LRRC72: variants seen among roughly 807,000 people sequenced by gnomAD.
LRRC72 encodes the protein leucine rich repeat containing 72, also known as leucine-rich repeat-containing protein 72.
Under a neutral mutation model 35.8 loss-of-function variants are expected in LRRC72, and 41 were observed. The ratio of observed to expected loss-of-function variants is 1.15; its 90% CI spans 0.89 to 1.49. LRRC72 has a LOEUF of 1.49. LRRC72 is among the 40% of genes most tolerant of loss of function. LRRC72 has a pLI of 0.00. For missense variants in LRRC72, 389 were observed against 330.7 expected (o/e 1.18, Z -1.37); for synonymous variants, 118 against 119.2 (o/e 0.99, Z 0.07).
At chr7:16,531,059 T>G (rs1326783997) in intron 1 of LRRC72, among the ~76,000 whole-genome samples, 1 of 151,756 alleles carries the variant, frequency 6.6e-6, no homozygotes, top group African/African-American at 2.4e-5. Context: ...TGTGGCAGCG[T>G]GCACCTGTAG....
intron 5 of LRRC72, among the ~76,000 whole-genome samples, chr7:16,561,096 CTATT>C (rs904941207): frequency 1.5e-4 from 23 of 151,994 alleles, no homozygotes; most frequent in African/African-American, 2.7e-4. Context: ...TATTTATAAT[CTATT>C]CATTCATTCA....
chr7:16,532,749 A>G (rs1159621134), intron 2 of LRRC72, 181 bp downstream of exon 2: 3 of 561,830 alleles, frequency 5.3e-6, no homozygotes, highest in Non-Finnish European at 9.3e-6. Context: ...ACTGAAATTG[A>G]TTAAAAAAAA....
At chr7:16,572,346 A>T (rs1782961809) in intron 7 of LRRC72, among the ~76,000 whole-genome samples, 1 of 152,158 alleles carries the variant, frequency 6.6e-6, no homozygotes, top group Non-Finnish European at 1.5e-5. Context: ...TGGCAGAGAC[A>T]CAACAACAAA....
intron 5 of LRRC72, among the ~76,000 whole-genome samples, chr7:16,562,628 G>T (rs1408966925): frequency 1.3e-5 from 2 of 152,180 alleles, no homozygotes; most frequent in African/African-American, 4.8e-5. Flanking sequence ...TCCTGCCGTT[G>T]TCTTCAGCAG....
At chr7:16,527,133 G>A in intron 1 of LRRC72, 91 bp downstream of exon 1, 1 of 969,610 alleles carries the variant, frequency 1.0e-6, no homozygotes, top group Non-Finnish European at 1.5e-6. Flanking sequence ...GGCAGGTACT[G>A]AATTTGGAGG....
intron 7 of LRRC72, among the ~76,000 whole-genome samples, chr7:16,572,027 A>C (rs1782955064): frequency 1.3e-5 from 2 of 152,156 alleles, no homozygotes; most frequent in Non-Finnish European, 2.9e-5. Flanking sequence ...CATCTGCCAA[A>C]ACAGAAGCTT....
intron 7 of LRRC72, 88 bp downstream of exon 7, chr7:16,567,631 T>C: frequency 9.6e-7 from 1 of 1,041,352 alleles, no homozygotes; most frequent in Non-Finnish European, 1.3e-6. Flanking sequence ...TAATAACAAC[T>C]ACAATTTACA....
chr7:16,579,122 T>C (rs1012844431), intron 7 of LRRC72, among the ~76,000 whole-genome samples: 2 of 152,196 alleles, frequency 1.3e-5, no homozygotes, highest in Non-Finnish European at 1.5e-5. Context: ...TCACCACGTA[T>C]ACACAAAAAA....
rs771693124 is a variant in LRRC72 at position 16,557,342 on chromosome 7, TCTAA to T, written c.235-15_235-12del. The T allele has an allele frequency of 6.7e-6, 7 of 1,050,450 alleles. No homozygotes were observed. In the East Asian group the frequency reaches 1.3e-4, roughly 19 times the overall value. 65.1% of individuals were successfully genotyped at this position (1,050,450 alleles called of 1,614,324 possible). ...AGTTATTATAGAAAGTATATTGTTC[TCTAA>T]CTCTCATTTTTAGCTCCATGGAATA... On this transcript the variant is annotated splice_polypyrimidine_tract_variant and intron_variant, in intron 3 of 8. Coordinates refer to ENST00000401542, the MANE Select transcript of LRRC72 (RefSeq NM_001195280.2).
intron 5 of LRRC72, among the ~76,000 whole-genome samples, chr7:16,562,607 C>T (rs1583648253): frequency 1.3e-5 from 2 of 152,146 alleles, no homozygotes; most frequent in East Asian, 3.9e-4. Flanking sequence ...CAGGTATTGC[C>T]TTTAAACACT....
intron 7 of LRRC72, among the ~76,000 whole-genome samples, chr7:16,570,928 C>T (rs1782933078): frequency 6.6e-6 from 1 of 151,778 alleles, no homozygotes; most frequent in African/African-American, 2.4e-5. Flanking sequence ...ATTTTTTATG[C>T]TCTTCAGTGT....
At chr7:16,558,091 C>T (rs1416717959) in intron 4 of LRRC72, among the ~76,000 whole-genome samples, 2 of 152,156 alleles carry the variant, frequency 1.3e-5, no homozygotes, top group African/African-American at 4.8e-5. Context: ...GGAAAATATA[C>T]AATTTACAAT....
intron 7 of LRRC72, among the ~76,000 whole-genome samples, chr7:16,570,149 C>A (rs1157006059): frequency 1.3e-5 from 2 of 152,136 alleles, no homozygotes; most frequent in South Asian, 4.1e-4. Context: ...GGCAAATGTT[C>A]TTTTGAGAGG....
chr7:16,550,660 T>C (rs1025899770), intron 3 of LRRC72, among the ~76,000 whole-genome samples: 1 of 152,240 alleles, frequency 6.6e-6, no homozygotes, highest in African/African-American at 2.4e-5. Context: ...TCTAAGTCAC[T>C]TGCTGGTATT....
At chr7:16,529,821 T>A (rs1053646391) in intron 1 of LRRC72, among the ~76,000 whole-genome samples, 2 of 152,232 alleles carry the variant, frequency 1.3e-5, no homozygotes, top group Admixed American at 6.5e-5. Flanking sequence ...ATATTCATTC[T>A]ATGGCTAAAA....
At chr7:16,548,089 G>A (rs565190188) in intron 3 of LRRC72, among the ~76,000 whole-genome samples, 4 of 152,336 alleles carry the variant, frequency 2.6e-5, no homozygotes, top group Admixed American at 6.5e-5. Context: ...ACAACAGGAC[G>A]ACCAGCTGCA....
intron 7 of LRRC72, among the ~76,000 whole-genome samples, chr7:16,578,433 T>C (rs1783081688): frequency 6.6e-6 from 1 of 152,140 alleles, no homozygotes; most frequent in Non-Finnish European, 1.5e-5. Flanking sequence ...GAGGTTGCAG[T>C]GAGCCGAGAT....
intron 7 of LRRC72, among the ~76,000 whole-genome samples, chr7:16,569,666 C>A (rs898165779): frequency 5.3e-5 from 8 of 151,606 alleles, no homozygotes; most frequent in South Asian, 2.1e-4. Flanking sequence ...GAATTATAAC[C>A]CAGGATGCAC....
Position 16,567,411 on chromosome 7 carries a change from A to C in LRRC72, c.538A>C (p.Arg180=), listed in dbSNP as rs1300135467. 11 of 1,496,616 alleles carry C rather than the reference A, an allele frequency of 7.3e-6. No individual in the cohort carries two copies. Among genetic ancestry groups the C allele is most frequent in the Non-Finnish European group, 9.8e-6 (11 of 1,123,782 alleles). The allele number at this position is 1,496,616 out of a possible 1,614,324, so 92.7% of individuals were successfully genotyped here. ...ATCAGAAGTTACAGAAAAAGAAAGA[A>C]GATCAATGATTACCATTTTTAACCA... ...DRNQVTEKER[R]SMITIFNHKK... The change falls in exon 7 of 9, where the codon AGA becomes CGA. Residue 180 remains arginine (R), a synonymous_variant. Coordinates refer to ENST00000401542, the MANE Select transcript of LRRC72 (RefSeq NM_001195280.2).
Sources: allele counts gnomAD v4.1 joint callset (sites outside exome capture counted in the v4.1 genomes callset), GRCh38; gene constraint gnomAD v4.1.1; transcripts MANE v1.5; gene names NCBI Gene and HGNC (gene_info 2026-07-23, HGNC 2026-07-21).